The following RNGTT variants were observed in gnomAD, a reference collection of about 807,000 sequenced individuals.
The protein encoded by RNGTT is mRNA-capping enzyme.
In RNGTT, 33 loss-of-function variants were observed where a neutral mutation model predicts 79.3. The observed-to-expected ratio is 0.42, with a 90% CI of 0.32 to 0.56. The LOEUF (loss-of-function observed/expected upper bound fraction) is 0.56. Ranked by LOEUF, RNGTT falls within the 20% of genes least tolerant of loss-of-function variation. The pLI is 0.17. For missense variants in RNGTT, 497 were observed against 739.1 expected, an observed-to-expected ratio of 0.67 and a Z score of 3.80; for synonymous variants, 222 against 235.9, an observed-to-expected ratio of 0.94 and a Z score of 0.54.
At chr6:88,686,754 A>AT (rs1484871729) in intron 13 of RNGTT, among the ~76,000 whole-genome samples, 4 of 152,182 alleles carry the variant, frequency 2.6e-5, no homozygotes, top group East Asian at 1.9e-4. Context: ...AAATACTGGT[A>AT]TATCTGTCTA....
intron 12 of RNGTT, among the ~76,000 whole-genome samples, chr6:88,774,001 T>A (rs1263423582): frequency 6.6e-6 from 1 of 152,116 alleles, no homozygotes; most frequent in African/African-American, 2.4e-5. Flanking sequence ...GACAGAACAT[T>A]ATCAAGAAAG....
At chr6:88,637,201 C>T (rs905131742) in intron 14 of RNGTT, among the ~76,000 whole-genome samples, 1 of 152,110 alleles carries the variant, frequency 6.6e-6, no homozygotes, top group African/African-American at 2.4e-5. Flanking sequence ...TGATATATCA[C>T]ATAAACAGAA....
chr6:88,653,990 T>G (rs1038479806), intron 14 of RNGTT, among the ~76,000 whole-genome samples: 1 of 152,196 alleles, frequency 6.6e-6, no homozygotes, highest in Non-Finnish European at 1.5e-5. Flanking sequence ...AGCACCTGGG[T>G]AGGAGAACAA....
chr6:88,697,444 A>G (rs1775718354), intron 13 of RNGTT, among the ~76,000 whole-genome samples: 2 of 152,118 alleles, frequency 1.3e-5, no homozygotes, highest in South Asian at 4.2e-4. Flanking sequence ...CCAGCTGCTC[A>G]GGAGGCTGAG....
intron 13 of RNGTT, among the ~76,000 whole-genome samples, chr6:88,744,084 G>C (rs988780668): frequency 6.6e-6 from 1 of 151,910 alleles, no homozygotes; most frequent in African/African-American, 2.4e-5. Context: ...ATTTATATTT[G>C]CATTTGTCAC....
At chr6:88,833,889 GCGCA>G (rs1780969028) in intron 11 of RNGTT, among the ~76,000 whole-genome samples, 1 of 152,074 alleles carries the variant, frequency 6.6e-6, no homozygotes, top group Non-Finnish European at 1.5e-5. Context: ...GGGTGTGGTG[GCGCA>G]CACCTGATAT....
intron 5 of RNGTT, among the ~76,000 whole-genome samples, chr6:88,905,736 T>C (rs1301051259): frequency 6.6e-6 from 1 of 151,276 alleles, no homozygotes; most frequent in South Asian, 2.1e-4. Context: ...AATACTAAAA[T>C]ACAAAATATT....
intron 13 of RNGTT, among the ~76,000 whole-genome samples, chr6:88,732,155 C>A (rs1159497137): frequency 2.0e-5 from 3 of 151,906 alleles, no homozygotes; most frequent in Admixed American, 6.6e-5. Context: ...GCTCAAGGAT[C>A]AACTGTATAG....
intron 8 of RNGTT, among the ~76,000 whole-genome samples, chr6:88,867,121 T>C (rs867205041): frequency 1.3e-5 from 2 of 152,118 alleles, no homozygotes; most frequent in African/African-American, 2.4e-5. Context: ...CACATACACA[T>C]AGAATTGTGA....
chr6:88,900,133 C>CA (rs36070813), intron 6 of RNGTT, among the ~76,000 whole-genome samples: 1,623 of 131,562 alleles, frequency 0.012, 16 homozygotes, highest in African/African-American at 0.034. Context: ...CTCAAATATG[C>CA]AAAAAAAAAA....
chr6:88,946,056 T>C (rs1562070905), intron 1 of RNGTT, among the ~76,000 whole-genome samples: 1 of 152,266 alleles, frequency 6.6e-6, no homozygotes. Context: ...ACAGGCATAC[T>C]TTGCTTTACT....
At chr6:88,878,076 GTTTATTTA>G (rs201880221) in intron 8 of RNGTT, among the ~76,000 whole-genome samples, 18 of 150,470 alleles carry the variant, frequency 1.2e-4, no homozygotes, top group South Asian at 2.1e-4. Flanking sequence ...AATTTCATTT[GTTTATTTA>G]TTTATTTATT....
chr6:88,915,442 A>T (rs1783969043), intron 4 of RNGTT, among the ~76,000 whole-genome samples: 7 of 152,236 alleles, frequency 4.6e-5, no homozygotes. Context: ...AGCCATAAAA[A>T]AGAATGAAAT....
intron 14 of RNGTT, among the ~76,000 whole-genome samples, chr6:88,630,160 T>G (rs1412183773): frequency 1.3e-5 from 2 of 152,248 alleles, no homozygotes; most frequent in East Asian, 3.9e-4. Context: ...GATGTTTGTT[T>G]TGGGGGTTTA....
chr6:88,668,357 A>T (rs1210105775), intron 14 of RNGTT, among the ~76,000 whole-genome samples: 1 of 152,156 alleles, frequency 6.6e-6, no homozygotes, highest in African/African-American at 2.4e-5. Flanking sequence ...AAAGACAACA[A>T]GCCCTGCTCC....
chr6:88,888,441 A>G (rs560806687), intron 8 of RNGTT, among the ~76,000 whole-genome samples: 34 of 152,334 alleles, frequency 2.2e-4, no homozygotes, highest in Admixed American at 6.5e-4. Flanking sequence ...TTCTGAAAAT[A>G]AGCAGAAAGG....
intron 13 of RNGTT, among the ~76,000 whole-genome samples, chr6:88,721,902 A>G (rs939098622): frequency 6.6e-6 from 1 of 151,904 alleles, no homozygotes; most frequent in Non-Finnish European, 1.5e-5. Context: ...GTTTTCTATC[A>G]TTATCATTTC....
intron 2 of RNGTT, among the ~76,000 whole-genome samples, chr6:88,940,074 T>C (rs558674437): frequency 5.3e-5 from 8 of 150,236 alleles, no homozygotes; most frequent in Admixed American, 4.6e-4. Context: ...TTCTTTTTTT[T>C]TTTTCTTTTC....
intron 13 of RNGTT, among the ~76,000 whole-genome samples, chr6:88,763,896 A>C (rs1778355344): frequency 6.6e-6 from 1 of 152,230 alleles, no homozygotes; most frequent in Non-Finnish European, 1.5e-5. Context: ...TCATTGACCA[A>C]GGAACCTGTT....
Sources: gnomAD v4.1 joint callset for allele counts (sites outside exome capture counted in the v4.1 genomes callset) on GRCh38, gnomAD v4.1.1 for gene constraint, MANE v1.5 for transcripts, NCBI Gene and HGNC (gene_info 2026-07-23, HGNC 2026-07-21) for gene names.